Variants in LACC1 observed in about 807,000 individuals in gnomAD.
LACC1 encodes the protein purine nucleoside phosphorylase LACC1.
LACC1 carries 25 observed loss-of-function variants against 34.8 expected under a neutral mutation model. The observed-to-expected ratio is 0.72, with a 90% CI of 0.52 to 1.00. LACC1 has a LOEUF of 1.00. Among genes scored for constraint, LACC1 ranks in the 50% least tolerant of loss-of-function variants. The pLI is 0.00. For missense variants in LACC1, 426 were observed against 511.2 expected (o/e 0.83, Z 1.61); for synonymous variants, 162 against 168.0 (o/e 0.96, Z 0.28).
At chr13:43,884,223 AC>A (rs1955206533) in intron 4 of LACC1, among the ~76,000 whole-genome samples, 1 of 152,186 alleles carries the variant, frequency 6.6e-6, no homozygotes. Context: ...GGTGCTATTA[AC>A]ATTTTGGGCA....
chr13:43,886,400 T>C (rs1955326370), intron 4 of LACC1, among the ~76,000 whole-genome samples: 1 of 152,138 alleles, frequency 6.6e-6, no homozygotes, highest in Non-Finnish European at 1.5e-5. Flanking sequence ...ATATGGTACA[T>C]ATACATAATG....
At chr13:43,882,033 G>A in intron 2 of LACC1, 152 bp from the exon 3 acceptor site, 4 of 561,788 alleles carry the variant, frequency 7.1e-6, no homozygotes, top group Non-Finnish European at 1.2e-5. Flanking sequence ...CAAACACAAA[G>A]CAGAATGCCA....
At chr13:43,885,707 A>G (rs61959997) in intron 4 of LACC1, among the ~76,000 whole-genome samples, 2,321 of 152,308 alleles carry the variant, frequency 0.015, 36 homozygotes, top group Non-Finnish European at 0.025. Flanking sequence ...GCCTTGGCAA[A>G]GATTTCATGG....
At chr13:43,884,072 T>C in intron 4 of LACC1, 136 bp downstream of exon 4, 1 of 605,488 alleles carries the variant, frequency 1.7e-6, no homozygotes, top group Non-Finnish European at 2.8e-6. Flanking sequence ...AGAGGCGGCA[T>C]AGTTTTATTA....
At chr13:43,890,834 T>A (rs925609716) in intron 6 of LACC1, among the ~76,000 whole-genome samples, 8 of 152,238 alleles carry the variant, frequency 5.3e-5, no homozygotes, top group Non-Finnish European at 1.0e-4. Flanking sequence ...GTAAGTAGTT[T>A]AGACTTTGTG....
chr13:43,882,469 A>G, intron 3 of LACC1, 106 bp downstream of exon 3: 2 of 757,652 alleles, frequency 2.6e-6, no homozygotes, highest in Admixed American at 6.2e-5. Flanking sequence ...TTTTTTATCT[A>G]AAGTTTTAGA....
At chr13:43,883,105 A>G (rs1955153162) in intron 3 of LACC1, among the ~76,000 whole-genome samples, 1 of 152,246 alleles carries the variant, frequency 6.6e-6, no homozygotes, top group South Asian at 2.1e-4. Flanking sequence ...TCACACAGTC[A>G]GTGACCGGGT....
intron 3 of LACC1, among the ~76,000 whole-genome samples, chr13:43,883,450 T>C (rs12431059): frequency 0.019 from 2,842 of 152,258 alleles, 101 homozygotes; most frequent in East Asian, 0.082. Context: ...ACAAGAAAAA[T>C]TTTCATTTTG....
upstream of LACC1, chr13:43,879,507 C>A (rs1954812179): frequency 6.6e-6 from 1 of 152,320 alleles, no homozygotes; most frequent in African/African-American, 2.4e-5. Flanking sequence ...CTCCGCGGAC[C>A]GCCCAGACCC....
Position 43,891,128 on chromosome 13 carries a change from C to T in LACC1, c.*2-321C>T, listed in dbSNP as rs189363068. Among the ~76,000 whole-genome samples, 345 of 152,206 alleles carry T rather than the reference C, an allele frequency of 2.3e-3. 3 individuals carry two copies. The highest frequency in any genetic ancestry group is 7.9e-3 in the African/African-American group (328 of 41,518). The stretch of plus-strand genomic sequence containing the variant: ...AAACAGGTAAGGGGCCAGATTTGGC[C>T]TATAGGCTATAGTACACTGACACAT... On this transcript the variant is annotated intron_variant, in intron 6 of 6. Coordinates refer to ENST00000325686, the MANE Select transcript of LACC1 (RefSeq NM_153218.4).
chr13:43,881,683 C>T (rs1955062545), intron 2 of LACC1, 136 bp downstream of exon 2: 1 of 670,838 alleles, frequency 1.5e-6, no homozygotes, highest in African/African-American at 1.8e-5. Flanking sequence ...TCAGTGGCAA[C>T]ACAGAGGTGT....
chr13:43,879,809 GGGGCGAGGTGGGCGAGGT>G (rs71099859), upstream of LACC1: 27,435 of 115,754 alleles, frequency 0.24, 3,367 homozygotes, highest in Non-Finnish European at 0.35. Flanking sequence ...GAGGCGAGGC[GGGGCGAGGTGGGCGAGGT>G]GGGCGAGGTG....
At chr13:43,890,965 AT>A (rs1257049021) in intron 6 of LACC1, among the ~76,000 whole-genome samples, 2 of 152,222 alleles carry the variant, frequency 1.3e-5, no homozygotes, top group African/African-American at 4.8e-5. Flanking sequence ...GTTTACAAAA[AT>A]CAGGCGAGGG....
chr13:43,885,601 C>G (rs1264447209), intron 4 of LACC1, among the ~76,000 whole-genome samples: 1 of 151,946 alleles, frequency 6.6e-6, no homozygotes, highest in African/African-American at 2.4e-5. Flanking sequence ...TATACAAAAA[C>G]TAACTCAACA....
intron 4 of LACC1, among the ~76,000 whole-genome samples, chr13:43,888,225 A>G (rs1955418707): frequency 6.6e-6 from 1 of 152,186 alleles, no homozygotes; most frequent in African/African-American, 2.4e-5. Context: ...GATTTCACTT[A>G]TATGATATAC....
At chr13:43,890,051 C>A in intron 5 of LACC1, 63 bp from the exon 6 acceptor site, 1 of 1,397,722 alleles carries the variant, frequency 7.2e-7, no homozygotes, top group Non-Finnish European at 9.8e-7. Context: ...TACTTTTTTT[C>A]ATATTGCTTT....
At chr13:43,888,679 C>T in intron 4 of LACC1, 78 bp from the exon 5 acceptor site, 1 of 1,103,600 alleles carries the variant, frequency 9.1e-7, no homozygotes, top group South Asian at 1.3e-5. Flanking sequence ...AATCTGCTCA[C>T]TTTTAACTTA....
chr13:43,879,399 C>A (rs1443944599), upstream of LACC1: 2 of 152,912 alleles, frequency 1.3e-5, no homozygotes, highest in African/African-American at 2.4e-5. Flanking sequence ...ACTCGGCCTG[C>A]CCACTCCTGC....
In LACC1 at chr13:43,891,436, A is replaced by G. The variant is rs1038686774; in HGVS notation, c.*2-13A>G. ...AGTAAGCGTCTCATATTTGATTTCT[A>G]TGTATTTTACAGATACTTGACTGGA... On this transcript the variant is annotated splice_polypyrimidine_tract_variant and intron_variant, in intron 6 of 6. Transcript: ENST00000325686. 1 of 980,188 alleles carries G rather than the reference A, an allele frequency of 1.0e-6. No individual in the cohort carries two copies. Among genetic ancestry groups the G allele is most frequent in the Non-Finnish European group, 1.2e-6 (1 of 825,042 alleles). 60.7% of individuals were successfully genotyped at this position (980,188 alleles called of 1,614,324 possible).
Sources: allele counts gnomAD v4.1 joint callset (sites outside exome capture counted in the v4.1 genomes callset), GRCh38; gene constraint gnomAD v4.1.1; transcripts MANE v1.5; gene names NCBI Gene and HGNC (gene_info 2026-07-23, HGNC 2026-07-21).